Variants in SPOCK3 observed in about 807,000 individuals in gnomAD.
The protein encoded by SPOCK3 is SPARC (osteonectin), cwcv and kazal like domains proteoglycan 3.
Under a neutral mutation model 56.6 loss-of-function variants are expected in SPOCK3, and 30 were observed. That is an observed-to-expected ratio of 0.53 (90% CI 0.40 to 0.72). The LOEUF is 0.72. Among genes scored for constraint, SPOCK3 ranks in the 30% least tolerant of loss-of-function variants. The pLI, the probability that SPOCK3 is intolerant of heterozygous loss-of-function variation, is 0.00. For synonymous variants in SPOCK3, 196 were observed against 183.3 expected, an observed-to-expected ratio of 1.07 and a Z score of -0.56; for missense variants, 527 against 530.0, an observed-to-expected ratio of 0.99 and a Z score of 0.06.
At chr4:166,942,317 T>C (rs1465906724) in intron 4 of SPOCK3, among the ~76,000 whole-genome samples, 1 of 151,808 alleles carries the variant, frequency 6.6e-6, no homozygotes, top group Non-Finnish European at 1.5e-5. Flanking sequence ...TTCAAGTGAT[T>C]TTCCAGCCTC....
chr4:167,088,085 CTCTTT>C (rs1055374942), intron 2 of SPOCK3, among the ~76,000 whole-genome samples: 14 of 151,988 alleles, frequency 9.2e-5, no homozygotes, highest in Middle Eastern at 3.4e-3. Flanking sequence ...GTAAAGATGG[CTCTTT>C]TCTTAATTTT....
chr4:166,957,235 G>A (rs1743602167), intron 4 of SPOCK3, among the ~76,000 whole-genome samples: 1 of 152,204 alleles, frequency 6.6e-6, no homozygotes, highest in Admixed American at 6.5e-5. Context: ...ATGGGTGACA[G>A]AGCCACATCC....
chr4:166,765,786 C>T lies in SPOCK3; in HGVS notation c.710-11057G>A, dbSNP rs759713124. 2.0e-4 allele frequency among the ~76,000 whole-genome samples: 30 copies of T among 152,324 alleles called. 1 individual carries two copies. Among genetic ancestry groups the T allele is most frequent in the Non-Finnish European group, 4.0e-4 (27 of 68,036 alleles). Reference sequence around the variant, plus strand: ...TATAAATTACCTTGGGCAGTATGCCCATTTTTATGATATTGATTCTTCCTA... The same window carrying T: ...TATAAATTACCTTGGGCAGTATGCCTATTTTTATGATATTGATTCTTCCTA... On this transcript the variant is annotated intron_variant, in intron 7 of 10. Coordinates refer to ENST00000357545, the MANE Select transcript of SPOCK3 (RefSeq NM_001040159.2).
chr4:166,935,847 C>G (rs889578205), intron 4 of SPOCK3, among the ~76,000 whole-genome samples: 1 of 152,128 alleles, frequency 6.6e-6, no homozygotes, highest in South Asian at 2.1e-4. Flanking sequence ...TGGCTGCATT[C>G]TAATATATTT....
intron 6 of SPOCK3, among the ~76,000 whole-genome samples, chr4:166,826,921 T>C (rs1200562722): frequency 6.6e-6 from 1 of 152,052 alleles, no homozygotes; most frequent in Non-Finnish European, 1.5e-5. Context: ...AGAGATCAGA[T>C]AAGGAATGAG....
chr4:166,986,560 C>G (rs1341010038), intron 4 of SPOCK3, among the ~76,000 whole-genome samples: 1 of 152,056 alleles, frequency 6.6e-6, no homozygotes, highest in South Asian at 2.1e-4. Context: ...TATAATTTTA[C>G]AGCACACGAA....
chr4:167,212,608 A>G lies in SPOCK3; in HGVS notation c.189+21377T>C, dbSNP rs142945836. Among the ~76,000 whole-genome samples the G allele has an allele frequency of 9.4e-3, 1,430 of 152,254 alleles. 15 individuals carry two copies. Among genetic ancestry groups the G allele is most frequent in the Non-Finnish European group, 0.013 (895 of 67,998 alleles). On this transcript the variant is annotated intron_variant, in intron 2 of 10. Transcript: ENST00000357545. ...ACTCAAGAAAATTTTGATGATTTTA[A>G]CCTAAACCATATTTTTCTATTCCTA...
At chr4:166,979,683 C>T (rs1392426082) in intron 4 of SPOCK3, among the ~76,000 whole-genome samples, 1 of 152,266 alleles carries the variant, frequency 6.6e-6, no homozygotes, top group African/African-American at 2.4e-5. Context: ...TTTGTAGACT[C>T]TTCCTCAATG....
chr4:166,962,127 C>G lies in SPOCK3; in HGVS notation c.350+38222G>C, dbSNP rs144196835. ...TTCCTCCCTTCCCACATTTAAGGAC[C>G]CTTATGATTACTATGAGCCTACTCC... is the stretch of plus-strand genomic sequence containing the variant. On this transcript the variant is annotated intron_variant, in intron 4 of 10. Coordinates refer to ENST00000357545, the MANE Select transcript of SPOCK3 (RefSeq NM_001040159.2). Among the ~76,000 whole-genome samples, 493 of 152,162 alleles carry G rather than the reference C, an allele frequency of 3.2e-3. 2 individuals carry two copies. Among genetic ancestry groups the G allele is most frequent in the African/African-American group, 0.011 (476 of 41,534 alleles).
intron 3 of SPOCK3, among the ~76,000 whole-genome samples, chr4:167,051,971 A>G (rs1325689744): frequency 6.6e-6 from 1 of 152,226 alleles, no homozygotes; most frequent in East Asian, 1.9e-4. Flanking sequence ...AAGGAAACGG[A>G]AAATAGATAT....
chr4:166,840,903 C>T (rs897996717), intron 6 of SPOCK3, among the ~76,000 whole-genome samples: 1 of 151,006 alleles, frequency 6.6e-6, no homozygotes, highest in Non-Finnish European at 1.5e-5. Flanking sequence ...CTCAGCCTCC[C>T]GAGTAGCTGG....
At chr4:167,179,105 A>G (rs945378699) in intron 2 of SPOCK3, among the ~76,000 whole-genome samples, 1 of 152,182 alleles carries the variant, frequency 6.6e-6, no homozygotes, top group Non-Finnish European at 1.5e-5. Context: ...TATTTTTATC[A>G]GAGTCCTGGA....
At position 167,165,986 on chromosome 4, in the gene SPOCK3, GT is replaced by G. The variant is rs563366880; in HGVS notation, c.189+67998del. ...AAACTGACTTATGAAATTTTATATG[GT>G]TTAAATAACATCTTAATGAAAAGGC... On this transcript the variant is annotated intron_variant, in intron 2 of 10. Coordinates refer to ENST00000357545, the MANE Select transcript of SPOCK3 (RefSeq NM_001040159.2). Among the ~76,000 whole-genome samples the G allele has an allele frequency of 5.7e-3, 874 of 152,034 alleles. 1 individual carries two copies. The highest frequency in any genetic ancestry group is 9.4e-3 in the Non-Finnish European group (640 of 67,930).
At chr4:167,122,623 T>G (rs1457164298) in intron 2 of SPOCK3, among the ~76,000 whole-genome samples, 1 of 152,148 alleles carries the variant, frequency 6.6e-6, no homozygotes, top group African/African-American at 2.4e-5. Context: ...CTGATGAATA[T>G]AATACAACAC....
intron 4 of SPOCK3, among the ~76,000 whole-genome samples, chr4:166,931,514 T>C (rs1295416485): frequency 6.6e-6 from 1 of 152,198 alleles, no homozygotes; most frequent in African/African-American, 2.4e-5. Flanking sequence ...GAATATAAGT[T>C]CCTTTTGAAC....
chr4:167,133,523 A>C (rs1387657766), intron 2 of SPOCK3, among the ~76,000 whole-genome samples: 1 of 152,222 alleles, frequency 6.6e-6, no homozygotes, highest in East Asian at 1.9e-4. Context: ...TGTAAAGCAG[A>C]TATCCAGTAG....
chr4:167,017,856 T>G (rs1036185645), intron 3 of SPOCK3, among the ~76,000 whole-genome samples: 3 of 152,086 alleles, frequency 2.0e-5, no homozygotes, highest in Non-Finnish European at 4.4e-5. Flanking sequence ...AGGATATTGA[T>G]TAAAACCCAA....
intron 6 of SPOCK3, among the ~76,000 whole-genome samples, chr4:166,875,041 AGAG>A (rs1429384148): frequency 2.0e-5 from 3 of 152,124 alleles, no homozygotes; most frequent in African/African-American, 7.2e-5. Context: ...ATTATCTCAT[AGAG>A]GAGTGAGTGA....
At chr4:166,996,820 C>T (rs1284529582) in intron 4 of SPOCK3, among the ~76,000 whole-genome samples, 1 of 152,080 alleles carries the variant, frequency 6.6e-6, no homozygotes, top group Non-Finnish European at 1.5e-5. Context: ...CTATGATTCA[C>T]CTAATCATGT....
Sources: gnomAD v4.1 joint callset for allele counts (sites outside exome capture counted in the v4.1 genomes callset) on GRCh38, gnomAD v4.1.1 for gene constraint, MANE v1.5 for transcripts, NCBI Gene and HGNC (gene_info 2026-07-23, HGNC 2026-07-21) for gene names.